MCUB: variants seen among roughly 807,000 people sequenced by gnomAD.
MCUB encodes calcium uniporter regulatory subunit MCUb, mitochondrial.
MCUB carries 46 observed loss-of-function variants against 41.4 expected under a neutral mutation model. The ratio of observed to expected loss-of-function variants is 1.11; its 90% confidence interval spans 0.88 to 1.42. The LOEUF is 1.42. Ranked by LOEUF, MCUB falls within the 40% of genes most tolerant of loss-of-function variation. The pLI is 0.00. For missense variants in MCUB, 403 were observed against 404.9 expected, an observed-to-expected ratio of 1.00 and a Z score of 0.04; for synonymous variants, 148 against 148.2, an observed-to-expected ratio of 1.00 and a Z score of 0.01.
intron 1 of MCUB, among the ~76,000 whole-genome samples, chr4:109,618,956 C>T (rs1015143779): frequency 1.6e-5 from 2 of 123,468 alleles, no homozygotes; most frequent in African/African-American, 9.1e-5. Flanking sequence ...TTAAACTTCT[C>T]TCTCTCTCTC....
chr4:109,633,291 A>G (rs1300842688), intron 1 of MCUB, among the ~76,000 whole-genome samples: 3 of 151,874 alleles, frequency 2.0e-5, no homozygotes, highest in Non-Finnish European at 4.4e-5. Context: ...TTTTTGAGAC[A>G]AAGTCTCGGT....
chr4:109,606,138 CT>C (rs1158569310), intron 1 of MCUB, among the ~76,000 whole-genome samples: 1 of 152,064 alleles, frequency 6.6e-6, no homozygotes, highest in Non-Finnish European at 1.5e-5. Flanking sequence ...CCACGCCCAG[CT>C]AATATTTTGT....
intron 1 of MCUB, among the ~76,000 whole-genome samples, chr4:109,597,086 AT>A: frequency 6.6e-6 from 1 of 150,618 alleles, no homozygotes; most frequent in East Asian, 2.0e-4. Flanking sequence ...AGGCAGAAGA[AT>A]TTTTCTTAGT....
At chr4:109,654,631 T>A (rs555510915) in intron 1 of MCUB, among the ~76,000 whole-genome samples, 2 of 151,992 alleles carry the variant, frequency 1.3e-5, no homozygotes, top group Admixed American at 1.3e-4. Flanking sequence ...GAAAAAAAAA[T>A]CATAGATCAA....
chr4:109,566,418 C>T (rs1726778557), intron 1 of MCUB, among the ~76,000 whole-genome samples: 2 of 150,088 alleles, frequency 1.3e-5, no homozygotes, highest in African/African-American at 2.4e-5. Flanking sequence ...TGTAGTGAGC[C>T]GAGATCGCGC....
At position 109,659,949 on chromosome 4, in the gene MCUB, T is replaced by C. The variant is rs144695553; in HGVS notation, c.176-246T>C. 5.6e-3 allele frequency among the ~76,000 whole-genome samples: 847 copies of C among 152,306 alleles called. 6 individuals carry two copies. The highest frequency in any genetic ancestry group is 0.019 in the African/African-American group (799 of 41,574). ...CTGGGATTACAGGCATGAGCCACCA[T>C]GCCGGCCACCTGGGAAGACTTTAAG... On this transcript the variant is annotated intron_variant, in intron 2 of 7. Coordinates refer to ENST00000394650, the MANE Select transcript of MCUB (RefSeq NM_017918.5).
intron 3 of MCUB, 60 bp downstream of exon 3, chr4:109,660,425 G>T: frequency 1.1e-6 from 1 of 901,298 alleles, no homozygotes; most frequent in Non-Finnish European, 1.7e-6. Flanking sequence ...CTGAACTTTT[G>T]TTTGGTTCTT....
chr4:109,586,305 G>C (rs531218406), intron 1 of MCUB, among the ~76,000 whole-genome samples: 1 of 152,094 alleles, frequency 6.6e-6, no homozygotes. Flanking sequence ...GTTCCATCAG[G>C]TCATTTAAGG....
intron 4 of MCUB, among the ~76,000 whole-genome samples, chr4:109,670,244 A>G (rs1477990071): frequency 2.0e-5 from 3 of 151,956 alleles, no homozygotes; most frequent in Non-Finnish European, 4.4e-5. Flanking sequence ...CCCTGGACTT[A>G]GAACTTCACA....
intron 1 of MCUB, among the ~76,000 whole-genome samples, chr4:109,612,599 G>A (rs1728036614): frequency 6.6e-6 from 1 of 152,042 alleles, no homozygotes; most frequent in Non-Finnish European, 1.5e-5. Context: ...CTTATCATGG[G>A]TGCTCCATAC....
chr4:109,666,440 C>T (rs1729347149), intron 4 of MCUB, among the ~76,000 whole-genome samples: 1 of 152,122 alleles, frequency 6.6e-6, no homozygotes, highest in African/African-American at 2.4e-5. Context: ...TTCCTGTTGC[C>T]CCATATCCTT....
intron 1 of MCUB, among the ~76,000 whole-genome samples, chr4:109,632,556 A>C (rs998973831): frequency 6.6e-6 from 1 of 151,688 alleles, no homozygotes; most frequent in African/African-American, 2.4e-5. Flanking sequence ...GTGCTGGTTA[A>C]AGTGGTGATG....
chr4:109,591,777 CA>C (rs1561219416), intron 1 of MCUB, among the ~76,000 whole-genome samples: 1 of 151,972 alleles, frequency 6.6e-6, no homozygotes, highest in African/African-American at 2.4e-5. Flanking sequence ...CAGCTCACTG[CA>C]ACCCCCACCT....
intron 1 of MCUB, among the ~76,000 whole-genome samples, chr4:109,585,655 A>T (rs1396031561): frequency 6.6e-6 from 1 of 152,174 alleles, no homozygotes; most frequent in Non-Finnish European, 1.5e-5. Context: ...TGGTGACAAA[A>T]TCTCTCAGCA....
At chr4:109,668,183 C>T (rs1038391403) in intron 4 of MCUB, among the ~76,000 whole-genome samples, 1 of 152,116 alleles carries the variant, frequency 6.6e-6, no homozygotes, top group Middle Eastern at 3.4e-3. Flanking sequence ...CAACTGTATA[C>T]CCCGTGATTT....
intron 1 of MCUB, chr4:109,560,983 G>C (rs994506577): frequency 2.0e-5 from 3 of 152,260 alleles, no homozygotes; most frequent in African/African-American, 4.8e-5. Context: ...GTTTTGTTCA[G>C]ACACCCGAGA....
At chr4:109,583,009 T>A (rs776720085) in intron 1 of MCUB, among the ~76,000 whole-genome samples, 2 of 152,230 alleles carry the variant, frequency 1.3e-5, no homozygotes, top group African/African-American at 2.4e-5. Context: ...TGCCTCCAGC[T>A]TTTTTCTTTT....
chr4:109,637,228 G>A (rs1045961652), intron 1 of MCUB, among the ~76,000 whole-genome samples: 4 of 152,192 alleles, frequency 2.6e-5, no homozygotes, highest in African/African-American at 9.6e-5. Context: ...GTGGGGAAAT[G>A]TGTCAGCCCT....
chr4:109,620,331 CACA>C (rs1728226537), intron 1 of MCUB, among the ~76,000 whole-genome samples: 1 of 151,752 alleles, frequency 6.6e-6, no homozygotes, highest in East Asian at 1.9e-4. Context: ...TTCTTTATGG[CACA>C]CTGTGGGCAG....
Sources: gnomAD v4.1 joint callset for allele counts (sites outside exome capture counted in the v4.1 genomes callset) on GRCh38, gnomAD v4.1.1 for gene constraint, MANE v1.5 for transcripts, NCBI Gene and HGNC (gene_info 2026-07-23, HGNC 2026-07-21) for gene names.